Variants in JAK1 observed in about 807,000 individuals in gnomAD.
JAK1 encodes the protein tyrosine-protein kinase JAK1.
A neutral mutation model predicts 136.6 loss-of-function variants in JAK1; 16 were observed. The ratio of observed to expected loss-of-function variants is 0.12; its 90% CI spans 0.08 to 0.18. JAK1 has a LOEUF of 0.18. Among genes scored for constraint, JAK1 ranks in the 10% least tolerant of loss-of-function variants. JAK1 has a pLI of 1.00. For synonymous variants in JAK1, 492 were observed against 519.5 expected (o/e 0.95, Z 0.72); for missense variants, 859 against 1,450.1 (o/e 0.59, Z 6.62).
chr1:65,021,579 T>A (rs1229047030), intron 2 of JAK1, among the ~76,000 whole-genome samples: 1 of 152,208 alleles, frequency 6.6e-6, no homozygotes, highest in Non-Finnish European at 1.5e-5. Flanking sequence ...ACTTTTCCAT[T>A]CACCAGAACA....
Position 64,866,850 on chromosome 1 carries a change from G to A in JAK1, c.990+16C>T, listed in dbSNP as rs1296097664. The A allele has an allele frequency of 3.8e-6, 6 of 1,580,328 alleles. No individual in the cohort carries two copies. Among genetic ancestry groups the A allele is most frequent in the Non-Finnish European group, 5.2e-6 (6 of 1,153,578 alleles). ...ACGGGAATGTTCTCTTTGATCGACTGCCAACAGCCACTTACATTTGGTTTA... is the reference window on the plus strand; with the variant it reads ...ACGGGAATGTTCTCTTTGATCGACTACCAACAGCCACTTACATTTGGTTTA... On this transcript the variant is annotated intron_variant, in intron 7 of 24. Coordinates refer to ENST00000342505, the MANE Select transcript of JAK1 (RefSeq NM_002227.4).
At chr1:64,938,024 T>G (rs1037622137) in intron 1 of JAK1, among the ~76,000 whole-genome samples, 5 of 151,706 alleles carry the variant, frequency 3.3e-5, no homozygotes, top group Non-Finnish European at 5.9e-5. Flanking sequence ...TGACTACAGG[T>G]GCCCGCCACC....
chr1:64,968,249 C>G (rs575008909), upstream of JAK1, among the ~76,000 whole-genome samples: 1 of 152,030 alleles, frequency 6.6e-6, no homozygotes, highest in South Asian at 2.1e-4. Context: ...CAGTTTAGAT[C>G]TGTTCGTCTA....
At chr1:65,028,519 T>G (rs923682808) in intron 2 of JAK1, among the ~76,000 whole-genome samples, 37 of 150,254 alleles carry the variant, frequency 2.5e-4, no homozygotes, top group African/African-American at 8.3e-4. Flanking sequence ...GAGGGACTGG[T>G]ATAACCACAC....
At chr1:64,907,503 C>A (rs1250174311) in intron 1 of JAK1, among the ~76,000 whole-genome samples, 3 of 152,082 alleles carry the variant, frequency 2.0e-5, no homozygotes, top group East Asian at 3.9e-4. Context: ...TGTTTGGACA[C>A]ACAGCGGGGA....
At chr1:65,057,148 G>C (rs370280140) in intron 1 of JAK1, among the ~76,000 whole-genome samples, 1 of 152,140 alleles carries the variant, frequency 6.6e-6, no homozygotes, top group African/African-American at 2.4e-5. Context: ...TAGGCTCTGA[G>C]CCTAAAACAC....
intron 17 of JAK1, among the ~76,000 whole-genome samples, chr1:64,842,452 C>A (rs538786289): frequency 3.5e-5 from 5 of 142,582 alleles, no homozygotes; most frequent in African/African-American, 1.3e-4. Context: ...TCCCCGTGGG[C>A]CCTGGGGTGG....
intron 7 of JAK1, 124 bp from the exon 8 acceptor site, chr1:64,865,096 G>A (rs1243439298): frequency 5.6e-6 from 4 of 713,974 alleles, no homozygotes; most frequent in Non-Finnish European, 9.2e-6. Flanking sequence ...CAGCTCTTCT[G>A]GACTTGCAGG....
At position 64,846,587 on chromosome 1, in the gene JAK1, T is replaced by C; in HGVS notation, c.1987+62A>G. 2.4e-6 allele frequency: 3 copies of C among 1,253,370 alleles called. No individual in the cohort carries two copies. In the East Asian group the frequency reaches 7.1e-5, roughly 30 times the overall value. The allele number at this position is 1,253,370 out of a possible 1,614,324, so 77.6% of individuals were successfully genotyped here. A position where few individuals can be genotyped will look rare whatever the true frequency, so the allele number is the denominator to read the frequency against. ...GTGAGGGTGGGAAGAGCCTCCACCA[T>C]CTCCACAGCACCCAAGCTCCCCAGC... is the stretch of plus-strand genomic sequence containing the variant. On this transcript the variant is annotated intron_variant, in intron 14 of 24. Coordinates refer to ENST00000342505, the MANE Select transcript of JAK1 (RefSeq NM_002227.4).
rs1489035598 is a variant in JAK1, at chr1:64,883,407, A to C, written c.75T>G (p.Thr25=). ...GCTCAGGGGCCTCCAGGTTCACCTC[A>C]GTCTTCTTGGAGCTCCTCATTTTAG... is the stretch of plus-strand genomic sequence containing the variant. ...FCAKMRSSKK[T]EVNLEAPEPG... Residue 25 remains threonine (T), a synonymous_variant, in exon 3 of 25, where the codon ACT becomes ACG. Coordinates refer to ENST00000342505, the MANE Select transcript of JAK1 (RefSeq NM_002227.4). 1 of 1,614,122 alleles carries C rather than the reference A, an allele frequency of 6.2e-7. No homozygotes were observed. The highest frequency in any genetic ancestry group is 2.2e-5 in the East Asian group (1 of 44,876).
intron 1 of JAK1, among the ~76,000 whole-genome samples, chr1:65,048,723 G>C (rs1331284997): frequency 6.6e-6 from 1 of 152,208 alleles, no homozygotes; most frequent in Non-Finnish European, 1.5e-5. Context: ...GCAAGTCAAG[G>C]AGGCTACCTT....
At chr1:64,879,001 G>A (rs752904381) in intron 4 of JAK1, 24 bp downstream of exon 4, 4 of 1,613,244 alleles carry the variant, frequency 2.5e-6, no homozygotes, top group South Asian at 1.1e-5. Context: ...AGCCAGGCAG[G>A]TACCAGGTCA....
intron 1 of JAK1, among the ~76,000 whole-genome samples, chr1:65,047,588 A>G (rs1267128866): frequency 6.6e-6 from 1 of 152,032 alleles, no homozygotes; most frequent in Non-Finnish European, 1.5e-5. Context: ...GCGTGGTGGC[A>G]GGTGCGTGTA....
intron 1 of JAK1, among the ~76,000 whole-genome samples, chr1:65,062,764 T>G (rs140865723): frequency 2.0e-5 from 3 of 152,372 alleles, no homozygotes; most frequent in Non-Finnish European, 4.4e-5. Context: ...AGTCAGAAAC[T>G]GTTTTACTCA....
At chr1:65,039,647 G>A (rs1348899303) in intron 2 of JAK1, among the ~76,000 whole-genome samples, 1 of 152,106 alleles carries the variant, frequency 6.6e-6, no homozygotes, top group African/African-American at 2.4e-5. Flanking sequence ...GGACACTAAA[G>A]GCAACACACA....
intron 13 of JAK1, 190 bp from the exon 14 acceptor site, chr1:64,846,926 G>A: frequency 1.7e-6 from 1 of 586,804 alleles, no homozygotes; most frequent in Non-Finnish European, 3.0e-6. Context: ...GGGCCAACCT[G>A]GCAGGGATGT....
At chr1:64,836,279 G>C in intron 22 of JAK1, 64 bp from the exon 23 acceptor site, 1 of 909,982 alleles carries the variant, frequency 1.1e-6, no homozygotes, top group Non-Finnish European at 1.8e-6. Flanking sequence ...GACATTACAG[G>C]ATAACTGAAA....
At chr1:65,056,923 TAAA>T (rs57037539) in intron 1 of JAK1, among the ~76,000 whole-genome samples, 171 of 118,730 alleles carry the variant, frequency 1.4e-3, no homozygotes, top group African/African-American at 4.7e-3. Flanking sequence ...ACTCTTTCTT[TAAA>T]AAAAAAAAAA....
At chr1:64,986,685 G>A (rs971677141) in intron 2 of JAK1, among the ~76,000 whole-genome samples, 29 of 152,094 alleles carry the variant, frequency 1.9e-4, no homozygotes, top group African/African-American at 7.0e-4. Flanking sequence ...TTGAGCCCAG[G>A]TGTTATTCAA....
Sources: gnomAD v4.1 joint callset for allele counts (sites outside exome capture counted in the v4.1 genomes callset) on GRCh38, gnomAD v4.1.1 for gene constraint, MANE v1.5 for transcripts, NCBI Gene and HGNC (gene_info 2026-07-23, HGNC 2026-07-21) for gene names.